The following TMEM156 variants were observed in gnomAD, a reference collection of about 807,000 sequenced individuals.
TMEM156 encodes transmembrane protein 156.
Under a neutral mutation model 30.5 loss-of-function variants are expected in TMEM156, and 28 were observed. That is an observed-to-expected ratio of 0.92 (90% CI 0.68 to 1.26). The LOEUF (loss-of-function observed/expected upper bound fraction) is 1.26. Ranked by LOEUF, TMEM156 falls within the 50% of genes most tolerant of loss-of-function variation. TMEM156 has a pLI of 0.00. For missense variants in TMEM156, 351 were observed against 340.6 expected (o/e 1.03, Z -0.24); for synonymous variants, 137 against 119.9 (o/e 1.14, Z -0.93).
Position 38,988,957 on chromosome 4 carries a change from G to A in TMEM156, c.633C>T (p.Ser211=), listed in dbSNP as rs764407536. 2 of 1,611,230 alleles carry A rather than the reference G, an allele frequency of 1.2e-6. No individual in the cohort carries two copies. The highest frequency in any genetic ancestry group is 2.2e-5 in the South Asian group (2 of 90,928). ...LEMDIKNITC[S]MKITWYILVL... ...CTAAAATATACCAAGTGATCTTCAT[G>A]GAACAAGTGATATCTGTAAAGAAAA... Residue 211 remains serine (S), a synonymous_variant, in exon 4 of 7, where the codon TCC becomes TCT. Coordinates refer to ENST00000381938, the MANE Select transcript of TMEM156 (RefSeq NM_024943.3).
rs547036300 is a variant in TMEM156, at chr4:38,992,855, G to A, written c.619+883C>T. Among the ~76,000 whole-genome samples, 6 of 149,282 alleles carry A rather than the reference G, an allele frequency of 4.0e-5. No individual in the cohort carries two copies. The South Asian group carries it at 8.5e-4, about 21-fold the overall frequency. ...CGGCTCACTGTAACCTCCGCCTCCCGGATTCAAGCGATTCTCCTGCCTCAG... is the reference window on the plus strand; with the variant it reads ...CGGCTCACTGTAACCTCCGCCTCCCAGATTCAAGCGATTCTCCTGCCTCAG... On this transcript the variant is annotated intron_variant, in intron 3 of 6. Coordinates refer to ENST00000381938, the MANE Select transcript of TMEM156 (RefSeq NM_024943.3).
chr4:38,998,555 A>G, intron 2 of TMEM156, 85 bp downstream of exon 2: 1 of 1,282,836 alleles, frequency 7.8e-7, no homozygotes, highest in Middle Eastern at 2.9e-4. Flanking sequence ...AAAAAAAAAA[A>G]AGAATATATT....
intron 1 of TMEM156, among the ~76,000 whole-genome samples, chr4:39,018,163 T>G (rs918213044): frequency 6.6e-6 from 1 of 152,194 alleles, no homozygotes; most frequent in Non-Finnish European, 1.5e-5. Context: ...TTTCTATTAT[T>G]TTAGTAGTTA....
rs547777425 is a variant in TMEM156 at position 38,973,908 on chromosome 4, G to GA, written c.824-2772dup. ...TCTTATTTTTATTAGAAGTTTTAAT[G>GA]AAAAATGCATTGTATTTTGTCAAAT... is the stretch of plus-strand genomic sequence containing the variant. On this transcript the variant is annotated intron_variant, in intron 5 of 6. Transcript: ENST00000381938. Among the ~76,000 whole-genome samples the GA allele has an allele frequency of 2.0e-3, 303 of 152,188 alleles. 1 individual carries two copies. The highest frequency in any genetic ancestry group is 7.1e-3 in the African/African-American group (293 of 41,550).
At chr4:38,976,470 G>GAC (rs1722858539) in intron 5 of TMEM156, among the ~76,000 whole-genome samples, 1 of 152,136 alleles carries the variant, frequency 6.6e-6, no homozygotes, top group African/African-American at 2.4e-5. Context: ...ACCCGAGTGA[G>GAC]CGTAGATGCA....
chr4:38,974,404 G>A (rs1340406855), intron 5 of TMEM156, among the ~76,000 whole-genome samples: 1 of 151,540 alleles, frequency 6.6e-6, no homozygotes, highest in Non-Finnish European at 1.5e-5. Context: ...TCTTGGATTT[G>A]AATATTATTA....
intron 5 of TMEM156, among the ~76,000 whole-genome samples, chr4:38,984,791 A>G (rs144521564): frequency 1.1e-3 from 158 of 149,502 alleles, no homozygotes; most frequent in African/African-American, 3.7e-3. Context: ...AAAGGCCATC[A>G]CCCCTTGACC....
At chr4:38,970,987 CTG>C in intron 6 of TMEM156, 43 bp downstream of exon 6, 1 of 1,266,906 alleles carries the variant, frequency 7.9e-7, no homozygotes, top group Non-Finnish European at 1.1e-6. Context: ...TTGAATTTAT[CTG>C]TGTTTATAAT....
chr4:38,971,812 A>G (rs6531686), intron 5 of TMEM156, among the ~76,000 whole-genome samples: 111,523 of 151,788 alleles, frequency 0.73, 41,833 homozygotes, highest in African/African-American at 0.89. Flanking sequence ...TTTTTAAGAC[A>G]GAGTTTCGCT....
Position 38,988,874 on chromosome 4 carries a change from T to C in TMEM156, c.716A>G (p.Gln239Arg), listed in dbSNP as rs756189252. The C allele has an allele frequency of 1.2e-6, 2 of 1,613,992 alleles. No homozygotes were observed. Among genetic ancestry groups the C allele is most frequent in the African/African-American group, 1.3e-5 (1 of 74,940 alleles). Reference sequence around the variant, plus strand: ...ACTCTGCCACTTTTGCACTCTTCTCTGGCCTTCAAGTATTTTGCGGATAGT... The same window carrying C: ...ACTCTGCCACTTTTGCACTCTTCTCCGGCCTTCAAGTATTTTGCGGATAGT... ...ILTIRKILEG[Q>R]RRVQKWQSHR... The change falls in exon 4 of 7, where the codon CAG becomes CGG. Residue 239 changes from glutamine to arginine, a missense_variant. Physicochemically the swap from Gln to Arg is conservative, Grantham distance 43. Transcript: ENST00000381938.
rs546786114 is a variant in TMEM156 at position 38,981,546 on chromosome 4, C to A, written c.823+4790G>T. Among the ~76,000 whole-genome samples, 5 of 152,258 alleles carry A rather than the reference C, an allele frequency of 3.3e-5. No homozygotes were observed. The South Asian group carries it at 8.3e-4, about 25-fold the overall frequency. On this transcript the variant is annotated intron_variant, in intron 5 of 6. Coordinates refer to ENST00000381938, the MANE Select transcript of TMEM156 (RefSeq NM_024943.3). ...GAAGGCTTTTGATCTGTGGCTTAAA[C>A]CCCCAGTCCCCCAGTTCACTATTGA...
chr4:38,988,144 ATC>A (rs1379677477), intron 4 of TMEM156, among the ~76,000 whole-genome samples: 3 of 152,132 alleles, frequency 2.0e-5, no homozygotes, highest in African/African-American at 7.2e-5. Context: ...CCTGCCAAAA[ATC>A]TGATACCCCC....
intron 1 of TMEM156, among the ~76,000 whole-genome samples, chr4:39,017,069 A>G (rs949958075): frequency 6.6e-6 from 1 of 152,036 alleles, no homozygotes; most frequent in Admixed American, 6.6e-5. Context: ...CTATGATTCA[A>G]TTACCTCCAC....
intron 1 of TMEM156, among the ~76,000 whole-genome samples, chr4:39,017,250 C>T (rs1286920439): frequency 2.2e-5 from 3 of 139,446 alleles, no homozygotes; most frequent in African/African-American, 8.2e-5. Flanking sequence ...TATCAGCTCA[C>T]TTCAAGCTCC....
At chr4:38,999,541 A>G (rs374660437) in intron 1 of TMEM156, among the ~76,000 whole-genome samples, 5 of 152,340 alleles carry the variant, frequency 3.3e-5, no homozygotes, top group East Asian at 3.9e-4. Context: ...AACTTTGAAC[A>G]GTATCTCTGT....
intron 5 of TMEM156, among the ~76,000 whole-genome samples, chr4:38,981,583 G>A (rs562238581): frequency 4.3e-4 from 66 of 152,242 alleles, no homozygotes; most frequent in Admixed American, 1.8e-3. Context: ...ATTACATGGC[G>A]TGCTAGAAAG....
In TMEM156 at chr4:38,992,758, A is replaced by T. The variant is rs1291479239; in HGVS notation, c.619+980T>A. 2.2e-3 allele frequency among the ~76,000 whole-genome samples: 146 copies of T among 65,898 alleles called. 2 individuals carry two copies. The highest frequency in any genetic ancestry group is 3.7e-3 in the African/African-American group (67 of 18,300). The allele number at this position is 65,898 out of a possible 152,430, so 43.2% of individuals were successfully genotyped here. A position where few individuals can be genotyped will look rare whatever the true frequency, so the allele number is the denominator to read the frequency against. On this transcript the variant is annotated intron_variant, in intron 3 of 6. Coordinates refer to ENST00000381938, the MANE Select transcript of TMEM156 (RefSeq NM_024943.3). ...ATAATATATAATATATTATATATAT[A>T]TATATTTTTTTTTGTCTTTTCAAGA...
intron 1 of TMEM156, among the ~76,000 whole-genome samples, chr4:39,021,652 C>T (rs1468443153): frequency 2.0e-5 from 3 of 152,130 alleles, no homozygotes; most frequent in Non-Finnish European, 2.9e-5. Flanking sequence ...GATACAATCT[C>T]ATTTGTATAT....
intron 1 of TMEM156, among the ~76,000 whole-genome samples, chr4:39,002,802 C>T (rs1032385792): frequency 6.6e-6 from 1 of 150,590 alleles, no homozygotes; most frequent in Non-Finnish European, 1.5e-5. Flanking sequence ...CCAAACACCG[C>T]ATATTCTCAC....
Sources: gnomAD v4.1 joint callset for allele counts (sites outside exome capture counted in the v4.1 genomes callset) on GRCh38, gnomAD v4.1.1 for gene constraint, MANE v1.5 for transcripts, NCBI Gene and HGNC (gene_info 2026-07-23, HGNC 2026-07-21) for gene names.